The following RXRA variants were observed in gnomAD, a reference collection of about 807,000 sequenced individuals.
RXRA encodes the protein retinoic acid receptor RXR-alpha.
A neutral mutation model predicts 44.5 loss-of-function variants in RXRA; 5 were observed. The observed-to-expected ratio is 0.11, with a 90% CI of 0.06 to 0.24. The LOEUF (loss-of-function observed/expected upper bound fraction) is 0.24, where lower values mean the gene tolerates loss of function less well. Ranked by LOEUF, RXRA falls within the 10% of genes least tolerant of loss-of-function variation. The probability of loss-of-function intolerance (pLI) is 1.00; values close to 1 mark genes in which losing one functional copy is unlikely to be tolerated. For synonymous variants in RXRA, 291 were observed against 271.4 expected (o/e 1.07, Z -0.71); for missense variants, 412 against 646.5 (o/e 0.64, Z 3.93).
chr9:134,384,941 C>T (rs185369436), intron 1 of RXRA, among the ~76,000 whole-genome samples: 4 of 152,306 alleles, frequency 2.6e-5, no homozygotes, highest in African/African-American at 9.6e-5. Flanking sequence ...CTTCTGGTTC[C>T]CCTCCAGCCC....
intron 4 of RXRA, among the ~76,000 whole-genome samples, chr9:134,414,374 G>A (rs12002530): frequency 0.023 from 3,549 of 152,350 alleles, 106 homozygotes; most frequent in South Asian, 0.11. Context: ...CCGGGCTGGC[G>A]CGTGGGGTGG....
chr9:134,351,181 T>C (rs1830217098), intron 1 of RXRA, among the ~76,000 whole-genome samples: 1 of 152,208 alleles, frequency 6.6e-6, no homozygotes, highest in African/African-American at 2.4e-5. Flanking sequence ...CAGGCCAGGC[T>C]TGGAGCCCGC....
intron 1 of RXRA, among the ~76,000 whole-genome samples, chr9:134,396,052 C>T (rs1400442940): frequency 1.3e-5 from 2 of 152,176 alleles, no homozygotes; most frequent in African/African-American, 2.4e-5. Context: ...GCCGAGGGCC[C>T]GTAGGGCCCA....
intron 1 of RXRA, among the ~76,000 whole-genome samples, chr9:134,374,879 C>T (rs559814399): frequency 1.1e-4 from 16 of 152,296 alleles, no homozygotes; most frequent in Non-Finnish European, 1.6e-4. Flanking sequence ...CAGCTGGCGC[C>T]GACCTGGTCC....
At chr9:134,384,278 C>A (rs2119108093) in intron 1 of RXRA, among the ~76,000 whole-genome samples, 1 of 152,316 alleles carries the variant, frequency 6.6e-6, no homozygotes, top group South Asian at 2.1e-4. Flanking sequence ...AGTCCTGGAC[C>A]CTCCTCGCTG....
In RXRA at chr9:134,366,220, GC is replaced by G. The variant is rs1830412966; in HGVS notation, c.29-35410del. Among the ~76,000 whole-genome samples the G allele has an allele frequency of 1.3e-5, 2 of 152,166 alleles. No homozygotes were observed. Among genetic ancestry groups the G allele is most frequent in the Non-Finnish European group, 1.5e-5 (1 of 68,002 alleles). ...TGGCATGTTCTGGGCTGTGTGTGGG[GC>G]CAGGGAGGGTGTCTTCAGCACAGGT... On this transcript the variant is annotated intron_variant, in intron 1 of 9. Transcript: ENST00000481739. The surrounding 1 kb of genome is among the most constrained non-coding windows in gnomAD (Gnocchi z 5.9).
intron 1 of RXRA, among the ~76,000 whole-genome samples, chr9:134,329,825 T>G (rs1834975499): frequency 7.1e-6 from 1 of 141,510 alleles, no homozygotes; most frequent in Admixed American, 6.7e-5. Context: ...TCAGTGGTCT[T>G]TGTTTCCTCC....
intron 1 of RXRA, among the ~76,000 whole-genome samples, chr9:134,350,875 C>T (rs1045744161): frequency 6.6e-6 from 1 of 152,238 alleles, no homozygotes; most frequent in African/African-American, 2.4e-5. Flanking sequence ...TCCCCTGCCG[C>T]CTTGTCCTCA....
rs535143131 is a variant in RXRA, at chr9:134,338,803, G to A, written c.28+12144G>A. Among the ~76,000 whole-genome samples the A allele has an allele frequency of 6.6e-4, 101 of 152,330 alleles. 2 individuals are homozygous for A. Among genetic ancestry groups the A allele is most frequent in the African/African-American group, 2.2e-3 (92 of 41,566 alleles). On this transcript the variant is annotated intron_variant, in intron 1 of 9. Transcript: ENST00000481739. ...GCCTTGCGGGTGAGACTGGGGGAGCGAGCAGGCCTCTGTTGGGACTTGGGA... is the reference window on the plus strand; with the variant it reads ...GCCTTGCGGGTGAGACTGGGGGAGCAAGCAGGCCTCTGTTGGGACTTGGGA...
chr9:134,342,095 G>A lies in RXRA; in HGVS notation c.28+15436G>A, dbSNP rs982361514. On this transcript the variant is annotated intron_variant, in intron 1 of 9. Coordinates refer to ENST00000481739, the MANE Select transcript of RXRA (RefSeq NM_002957.6). This position sits in a 1 kb window ranked among gnomAD's most constrained non-coding sequence, Gnocchi z 4.4. ...ACATGAAGACCCCGAATGAGGAGGC[G>A]TCTCCCTGAAGGCGCTCTGCTGGGC... 6.6e-6 allele frequency among the ~76,000 whole-genome samples: 1 copy of A among 152,166 alleles called. No individual in the cohort carries two copies. Among genetic ancestry groups the A allele is most frequent in the Non-Finnish European group, 1.5e-5 (1 of 68,014 alleles).
At chr9:134,436,430 C>T (rs747506694) in intron 9 of RXRA, 37 bp from the exon 10 acceptor site, 2 of 1,607,984 alleles carry the variant, frequency 1.2e-6, no homozygotes, top group South Asian at 1.1e-5. Flanking sequence ...ACTGCCCATG[C>T]CCCTTGCCCG....
intron 9 of RXRA, among the ~76,000 whole-genome samples, chr9:134,435,796 C>T (rs1359341157): frequency 2.0e-5 from 3 of 152,200 alleles, no homozygotes; most frequent in Non-Finnish European, 4.4e-5. Flanking sequence ...GCCCCGCAGT[C>T]TCTTGCTGTG....
intron 1 of RXRA, among the ~76,000 whole-genome samples, chr9:134,384,818 G>A (rs1830695117): frequency 6.6e-6 from 1 of 152,222 alleles, no homozygotes; most frequent in Admixed American, 6.5e-5. Flanking sequence ...CCTGTGCTCA[G>A]GCGGGGCAGT....
At chr9:134,377,257 T>C (rs1376182319) in intron 1 of RXRA, among the ~76,000 whole-genome samples, 1 of 152,172 alleles carries the variant, frequency 6.6e-6, no homozygotes, top group Non-Finnish European at 1.5e-5. Flanking sequence ...CCCAGGGGTG[T>C]TGGGTCCTTG....
chr9:134,359,981 C>A (rs938999086), intron 1 of RXRA, among the ~76,000 whole-genome samples: 1 of 152,176 alleles, frequency 6.6e-6, no homozygotes, highest in Non-Finnish European at 1.5e-5. Flanking sequence ...TCTGGAGCCG[C>A]GGGGGTCCCT....
At chr9:134,414,617 ACTGTCTTGAGCGCTCAGCC>A (rs953824102) in intron 4 of RXRA, among the ~76,000 whole-genome samples, 1 of 152,192 alleles carries the variant, frequency 6.6e-6, no homozygotes, top group African/African-American at 2.4e-5. Context: ...TAGGCTGCTC[ACTGTCTTGAGCGCTCAGCC>A]CTGCCCCTTT....
At position 134,436,822 on chromosome 9, in the gene RXRA, C is replaced by T. The variant is rs921760136; in HGVS notation, c.*208C>T. The T allele has an allele frequency of 2.2e-5, 13 of 601,894 alleles. No individual in the cohort carries two copies. The African/African-American group carries it at 2.2e-4, about 10-fold the overall frequency. The allele number at this position is 601,894 out of a possible 1,614,324, so 37.3% of individuals were successfully genotyped here. The stretch of plus-strand genomic sequence containing the variant: ...GTCTGTGGCCCAGGGCAGTGGCTTT[C>T]CTGAGGCAGCAGCCTTCGTGGCAAG... On this transcript the variant is annotated 3_prime_UTR_variant, in exon 10 of 10. Transcript: ENST00000481739.
chr9:134,434,956 TGCC>T (rs1831593384), intron 9 of RXRA, among the ~76,000 whole-genome samples: 1 of 152,082 alleles, frequency 6.6e-6, no homozygotes, highest in Non-Finnish European at 1.5e-5. Context: ...GTGTCCCCGC[TGCC>T]TGCCCAGCCC....
chr9:134,387,059 T>C (rs1830730910), intron 1 of RXRA, among the ~76,000 whole-genome samples: 1 of 152,186 alleles, frequency 6.6e-6, no homozygotes, highest in African/African-American at 2.4e-5. Context: ...CTGCCTGCCC[T>C]GGGCCGCTGC....
Sources: gnomAD v4.1 joint callset for allele counts (sites outside exome capture counted in the v4.1 genomes callset) on GRCh38, gnomAD v4.1.1 for gene constraint, Gnocchi (gnomAD v3.1) non-coding constraint, MANE v1.5 for transcripts, NCBI Gene and HGNC (gene_info 2026-07-23, HGNC 2026-07-21) for gene names.